RABGAP1L: variants seen among roughly 807,000 people sequenced by gnomAD.
RABGAP1L encodes rab GTPase-activating protein 1-like.
Under a neutral mutation model 137.7 loss-of-function variants are expected in RABGAP1L, and 63 were observed. The observed-to-expected ratio is 0.46, with a 90% confidence interval of 0.37 to 0.56. The LOEUF (loss-of-function observed/expected upper bound fraction) is 0.56. Ranked by LOEUF, RABGAP1L falls within the 20% of genes least tolerant of loss-of-function variation. The probability of loss-of-function intolerance (pLI) is 0.00; values close to 1 mark genes in which losing one functional copy is unlikely to be tolerated. For synonymous variants in RABGAP1L, 431 were observed against 433.7 expected (o/e 0.99, Z 0.08); for missense variants, 1,095 against 1,244.0 (o/e 0.88, Z 1.80).
chr1:174,428,480 A>G (rs1652220897), intron 13 of RABGAP1L, among the ~76,000 whole-genome samples: 1 of 152,212 alleles, frequency 6.6e-6, no homozygotes, highest in South Asian at 2.1e-4. Flanking sequence ...AATGATTTGT[A>G]GTTGGAGATT....
intron 13 of RABGAP1L, among the ~76,000 whole-genome samples, chr1:174,517,111 G>C (rs1662937811): frequency 6.6e-6 from 1 of 151,768 alleles, no homozygotes; most frequent in South Asian, 2.1e-4. Flanking sequence ...TTTCACTAAG[G>C]GGAAAAGCTC....
At chr1:174,274,790 C>T (rs753746610) in intron 8 of RABGAP1L, among the ~76,000 whole-genome samples, 17 of 151,944 alleles carry the variant, frequency 1.1e-4, no homozygotes, top group Non-Finnish European at 1.8e-4. Context: ...TACTAATACA[C>T]TAGAAAAATA....
chr1:174,541,652 T>C (rs559000182), intron 13 of RABGAP1L, among the ~76,000 whole-genome samples: 1 of 152,084 alleles, frequency 6.6e-6, no homozygotes, highest in Non-Finnish European at 1.5e-5. Flanking sequence ...GGCGGGCACC[T>C]GTAGTCCCTG....
chr1:174,543,272 A>G (rs1040635813), intron 13 of RABGAP1L, among the ~76,000 whole-genome samples: 2 of 152,096 alleles, frequency 1.3e-5, no homozygotes, highest in Non-Finnish European at 2.9e-5. Context: ...ATGAATCTGG[A>G]TGCTTCTGTA....
At position 174,559,301 on chromosome 1, in the gene RABGAP1L, C is replaced by T. The variant is rs547796408; in HGVS notation, c.1711-78074C>T. Among the ~76,000 whole-genome samples the T allele has an allele frequency of 3.9e-5, 6 of 152,134 alleles. No individual in the cohort carries two copies. In the East Asian group the frequency reaches 1.2e-3, roughly 29 times the overall value. ...TTGGTCTGCCCAGACTGTAGAAAAC[C>T]AAGCATTGACACACACATAAAAATA... is the stretch of plus-strand genomic sequence containing the variant. On this transcript the variant is annotated intron_variant, in intron 13 of 25. Transcript: ENST00000681986.
At chr1:174,698,540 G>A (rs1679420862) in intron 15 of RABGAP1L, among the ~76,000 whole-genome samples, 1 of 152,020 alleles carries the variant, frequency 6.6e-6, no homozygotes, top group African/African-American at 2.4e-5. Flanking sequence ...TTTTGCATAT[G>A]TACAAAATGA....
chr1:174,798,605 C>G (rs920402660), intron 18 of RABGAP1L, among the ~76,000 whole-genome samples: 1 of 126,848 alleles, frequency 7.9e-6, no homozygotes, highest in Non-Finnish European at 1.8e-5. Context: ...TCTTTAAGCT[C>G]ATTTTCATAA....
chr1:174,793,099 T>C (rs921072728), intron 18 of RABGAP1L, among the ~76,000 whole-genome samples: 3 of 151,460 alleles, frequency 2.0e-5, no homozygotes, highest in Admixed American at 6.6e-5. Flanking sequence ...GCCACTGCAC[T>C]CCAGCCTGGT....
chr1:174,869,245 C>T (rs1651794025), intron 19 of RABGAP1L, among the ~76,000 whole-genome samples: 1 of 152,126 alleles, frequency 6.6e-6, no homozygotes, highest in Non-Finnish European at 1.5e-5. Context: ...TGTGTCCCTG[C>T]CCAAATATCA....
chr1:174,370,663 G>A (rs28583120), intron 11 of RABGAP1L, among the ~76,000 whole-genome samples: 1 of 151,294 alleles, frequency 6.6e-6, no homozygotes, highest in Non-Finnish European at 1.5e-5. Flanking sequence ...CTGGTGAGTA[G>A]AACACCATAT....
At chr1:174,186,652 G>C (rs936194649) in intron 1 of RABGAP1L, among the ~76,000 whole-genome samples, 2 of 152,100 alleles carry the variant, frequency 1.3e-5, no homozygotes, top group Non-Finnish European at 2.9e-5. Context: ...TTACTACTCA[G>C]TTCTACATCT....
intron 13 of RABGAP1L, among the ~76,000 whole-genome samples, chr1:174,399,522 G>T (rs1648292768): frequency 2.0e-5 from 3 of 152,218 alleles, no homozygotes; most frequent in Admixed American, 6.5e-5. Flanking sequence ...ATAAAAAATT[G>T]CTTTATAAAA....
chr1:174,335,065 A>C (rs1365763542), intron 11 of RABGAP1L, among the ~76,000 whole-genome samples: 1 of 152,168 alleles, frequency 6.6e-6, no homozygotes, highest in Non-Finnish European at 1.5e-5. Flanking sequence ...CTTTTGAAAT[A>C]TGTATTAGCC....
At chr1:174,875,406 A>G (rs1297177833) in intron 19 of RABGAP1L, 1 of 352,174 alleles carries the variant, frequency 2.8e-6, no homozygotes, top group East Asian at 1.7e-4. Flanking sequence ...CAGGGTGCAT[A>G]GGCGCTGCTG....
chr1:174,377,547 T>C (rs565024737), intron 12 of RABGAP1L, among the ~76,000 whole-genome samples: 8 of 152,030 alleles, frequency 5.3e-5, no homozygotes, highest in Non-Finnish European at 1.0e-4. Context: ...AGCCACGCAA[T>C]CTAAACAGAC....
At chr1:174,403,609 TATG>T (rs1217535777) in intron 13 of RABGAP1L, among the ~76,000 whole-genome samples, 5 of 152,138 alleles carry the variant, frequency 3.3e-5, no homozygotes, top group African/African-American at 9.7e-5. Flanking sequence ...TCTTTATCAA[TATG>T]ATATTACATC....
At chr1:174,885,604 C>A (rs180696782) in intron 19 of RABGAP1L, among the ~76,000 whole-genome samples, 1 of 152,034 alleles carries the variant, frequency 6.6e-6, no homozygotes, top group Non-Finnish European at 1.5e-5. Flanking sequence ...GATCCTCCCC[C>A]CTCGGCCTCC....
At chr1:174,207,935 G>A (rs1369604905) in intron 1 of RABGAP1L, among the ~76,000 whole-genome samples, 1 of 152,126 alleles carries the variant, frequency 6.6e-6, no homozygotes, top group African/African-American at 2.4e-5. Flanking sequence ...GTCTCAACAA[G>A]TTATTTTTTG....
chr1:174,310,646 A>G (rs1055208438), intron 11 of RABGAP1L, among the ~76,000 whole-genome samples: 2 of 152,176 alleles, frequency 1.3e-5, no homozygotes, highest in Admixed American at 6.5e-5. Context: ...TACAATTGTT[A>G]TAGTCTCTTG....
Sources: allele counts gnomAD v4.1 joint callset (sites outside exome capture counted in the v4.1 genomes callset), GRCh38; gene constraint gnomAD v4.1.1; transcripts MANE v1.5; gene names NCBI Gene and HGNC (gene_info 2026-07-23, HGNC 2026-07-21).